Variants in SLIT3 observed in about 807,000 individuals in gnomAD.
The protein encoded by SLIT3 is slit homolog 3 protein.
In SLIT3, 68 loss-of-function variants were observed where a neutral mutation model predicts 184.0. That is an observed-to-expected ratio of 0.37 (90% CI 0.30 to 0.45). The LOEUF (loss-of-function observed/expected upper bound fraction) is 0.45. Among genes scored for constraint, SLIT3 ranks in the 20% least tolerant of loss-of-function variants. The pLI is 1.00. For synonymous variants in SLIT3, 831 were observed against 828.6 expected (o/e 1.00, Z -0.05); for missense variants, 1,707 against 2,026.0 (o/e 0.84, Z 3.02).
intron 12 of SLIT3, among the ~76,000 whole-genome samples, chr5:168,781,778 G>A (rs1186187605): frequency 6.6e-6 from 1 of 152,174 alleles, no homozygotes; most frequent in African/African-American, 2.4e-5. Context: ...AGATCTGCCT[G>A]TGACTGGGTG....
intron 20 of SLIT3, among the ~76,000 whole-genome samples, chr5:168,744,755 A>G (rs1469627903): frequency 3.9e-5 from 6 of 152,240 alleles, no homozygotes; most frequent in African/African-American, 1.4e-4. Flanking sequence ...CTGCACAAAC[A>G]TAAAGATTTC....
intron 32 of SLIT3, among the ~76,000 whole-genome samples, chr5:168,678,082 T>C (rs1430134005): frequency 1.3e-5 from 2 of 152,224 alleles, no homozygotes; most frequent in African/African-American, 4.8e-5. Flanking sequence ...TAAGAAGTGC[T>C]GGAACTCAGG....
At chr5:168,786,107 C>T in intron 11 of SLIT3, 129 bp from the exon 12 acceptor site, 1 of 650,692 alleles carries the variant, frequency 1.5e-6, no homozygotes, top group Non-Finnish European at 2.7e-6. Flanking sequence ...CACGGCCTGC[C>T]TAATCCCTTC....
intron 4 of SLIT3, among the ~76,000 whole-genome samples, chr5:168,976,695 G>A (rs1024303092): frequency 1.3e-5 from 2 of 152,170 alleles, no homozygotes; most frequent in South Asian, 4.1e-4. Context: ...CCCATTCCAG[G>A]AAGACAGATC....
chr5:169,294,317 T>C (rs1435908888), intron 1 of SLIT3, among the ~76,000 whole-genome samples: 2 of 140,534 alleles, frequency 1.4e-5, no homozygotes, highest in South Asian at 2.3e-4. Context: ...CCCCCAAAAA[T>C]AAATAAATAA....
chr5:168,870,566 T>C (rs1365592796), intron 5 of SLIT3, among the ~76,000 whole-genome samples: 1 of 152,220 alleles, frequency 6.6e-6, no homozygotes, highest in Non-Finnish European at 1.5e-5. Context: ...CCCTACCTGG[T>C]GCTGGCTTCT....
chr5:168,693,413 C>T (rs1346865857), intron 28 of SLIT3, among the ~76,000 whole-genome samples: 2 of 152,210 alleles, frequency 1.3e-5, no homozygotes, highest in South Asian at 2.1e-4. Flanking sequence ...TGCAGTGCTA[C>T]AAAATACCTA....
At chr5:168,932,428 T>C (rs1237954294) in intron 4 of SLIT3, among the ~76,000 whole-genome samples, 4 of 151,628 alleles carry the variant, frequency 2.6e-5, no homozygotes, top group African/African-American at 9.7e-5. Context: ...ATTTCTTCTT[T>C]GTAATTTTTC....
chr5:169,258,149 C>T (rs1225438766), intron 1 of SLIT3, among the ~76,000 whole-genome samples: 1 of 152,128 alleles, frequency 6.6e-6, no homozygotes, highest in Admixed American at 6.5e-5. Flanking sequence ...CATGAGTTCA[C>T]ATACCAGGGA....
chr5:169,234,833 T>C (rs1440058523), intron 3 of SLIT3, among the ~76,000 whole-genome samples: 4 of 152,222 alleles, frequency 2.6e-5, no homozygotes, highest in Non-Finnish European at 5.9e-5. Context: ...TAAATATAAA[T>C]GCTGTTGCTC....
At chr5:168,768,427 A>G (rs1581060121) in intron 14 of SLIT3, among the ~76,000 whole-genome samples, 1 of 152,088 alleles carries the variant, frequency 6.6e-6, no homozygotes, top group Non-Finnish European at 1.5e-5. Flanking sequence ...GCCCCACCCC[A>G]GGGAGACACA....
At chr5:168,809,067 G>A (rs1277535699) in intron 8 of SLIT3, among the ~76,000 whole-genome samples, 1 of 152,170 alleles carries the variant, frequency 6.6e-6, no homozygotes, top group African/African-American at 2.4e-5. Flanking sequence ...CTTGAATGGG[G>A]TGTGTTGGAA....
intron 4 of SLIT3, among the ~76,000 whole-genome samples, chr5:169,097,126 T>C (rs1759815277): frequency 6.6e-6 from 1 of 152,184 alleles, no homozygotes; most frequent in African/African-American, 2.4e-5. Context: ...TAAGATTCCT[T>C]GTTAGGACCC....
intron 4 of SLIT3, among the ~76,000 whole-genome samples, chr5:169,007,268 A>C (rs181860941): frequency 1.3e-5 from 2 of 152,304 alleles, no homozygotes; most frequent in Non-Finnish European, 2.9e-5. Flanking sequence ...TAAATGACCC[A>C]GTCTCAGGTA....
At chr5:168,708,152 C>T (rs1762432868) in intron 25 of SLIT3, 52 bp from the exon 26 acceptor site, 1 of 1,613,250 alleles carries the variant, frequency 6.2e-7, no homozygotes, top group African/African-American at 1.3e-5. Flanking sequence ...CGCTCACTGC[C>T]ATACCTCCCT....
chr5:168,723,645 G>A (rs1325223090), intron 21 of SLIT3, among the ~76,000 whole-genome samples: 1 of 151,968 alleles, frequency 6.6e-6, no homozygotes, highest in African/African-American at 2.4e-5. Flanking sequence ...GTCTTATCAG[G>A]TTCTGTCTTA....
intron 1 of SLIT3, among the ~76,000 whole-genome samples, chr5:169,265,707 A>G (rs1434604270): frequency 6.6e-6 from 1 of 152,224 alleles, no homozygotes; most frequent in Non-Finnish European, 1.5e-5. Context: ...TACTGCAAGA[A>G]TTAAATGAGA....
At chr5:169,243,235 C>A (rs1291922294) in intron 3 of SLIT3, among the ~76,000 whole-genome samples, 2 of 152,190 alleles carry the variant, frequency 1.3e-5, no homozygotes, top group Non-Finnish European at 2.9e-5. Flanking sequence ...TGTTTTCACT[C>A]TTCTAATCAG....
At chr5:169,053,203 TG>T (rs1164100743) in intron 4 of SLIT3, among the ~76,000 whole-genome samples, 2 of 152,244 alleles carry the variant, frequency 1.3e-5, no homozygotes, top group Non-Finnish European at 2.9e-5. Flanking sequence ...GATTCCAACC[TG>T]GCTCCAGAAT....
Sources: allele counts gnomAD v4.1 joint callset (sites outside exome capture counted in the v4.1 genomes callset), GRCh38; gene constraint gnomAD v4.1.1; transcripts MANE v1.5; gene names NCBI Gene and HGNC (gene_info 2026-07-23, HGNC 2026-07-21).